THSD7A: variants seen among roughly 807,000 people sequenced by gnomAD.
THSD7A encodes the protein thrombospondin type 1 domain containing 7A.
THSD7A carries 96 observed loss-of-function variants against 231.3 expected under a neutral mutation model. The observed-to-expected ratio is 0.41, with a 90% CI of 0.35 to 0.49. THSD7A has a LOEUF of 0.49. THSD7A is among the 20% of genes least tolerant of loss of function. The probability of loss-of-function intolerance (pLI) is 0.05; values close to 1 mark genes in which losing one functional copy is unlikely to be tolerated. For synonymous variants in THSD7A, 940 were observed against 743.3 expected, an observed-to-expected ratio of 1.26 and a Z score of -4.30; for missense variants, 2,290 against 2,070.2, an observed-to-expected ratio of 1.11 and a Z score of -2.06.
chr7:11,379,617 A>G lies in THSD7A; in HGVS notation c.4590+13T>C. ...TGGAGCTGGCTTGTCTGCCCTGATG[A>G]ATTTTCACATACCTCGCTACAGTAC... is the stretch of plus-strand genomic sequence containing the variant. On this transcript the variant is annotated intron_variant, in intron 25 of 27. Transcript: ENST00000423059. The G allele has an allele frequency of 6.4e-7, 1 of 1,571,018 alleles. No homozygotes were observed. The highest frequency in any genetic ancestry group is 8.6e-7 in the Non-Finnish European group (1 of 1,157,076).
In THSD7A at chr7:11,424,844, GTTCTCAGC is replaced by G. The variant is rs544391079; in HGVS notation, c.3250-23_3250-16del. On this transcript the variant is annotated splice_polypyrimidine_tract_variant and intron_variant, in intron 15 of 27. Transcript: ENST00000423059. ...ACCTCATACACCTGAAACACACATG[GTTCTCAGC>G]AATCTCAGGGAATCTGGTAAGAGTG... 649 of 1,613,628 alleles carry G rather than the reference GTTCTCAGC, an allele frequency of 4.0e-4. 2 individuals carry two copies. In the African/African-American group the frequency reaches 7.9e-3, roughly 20 times the overall value.
chr7:11,671,854 T>C (rs1783408821), intron 1 of THSD7A, among the ~76,000 whole-genome samples: 1 of 152,138 alleles, frequency 6.6e-6, no homozygotes, highest in Admixed American at 6.5e-5. Flanking sequence ...GTTGTCTAAT[T>C]AGCAGATTTC....
At chr7:11,661,120 AC>A (rs957299794) in intron 1 of THSD7A, among the ~76,000 whole-genome samples, 6 of 151,354 alleles carry the variant, frequency 4.0e-5, no homozygotes, top group African/African-American at 1.5e-4. Context: ...ATGGTAAGTA[AC>A]CCAGGCTATC....
chr7:11,555,378 G>T (rs1423626230), intron 4 of THSD7A, among the ~76,000 whole-genome samples: 3 of 151,878 alleles, frequency 2.0e-5, no homozygotes, highest in African/African-American at 7.3e-5. Flanking sequence ...AGTGTTTGGA[G>T]ATTTTACTCC....
rs1297611628 is a variant in THSD7A at position 11,372,935 on chromosome 7, T to C, written c.*2859A>G. 3 of 152,000 alleles carry C rather than the reference T, an allele frequency of 2.0e-5. No homozygotes were observed. Among genetic ancestry groups the C allele is most frequent in the Non-Finnish European group, 4.4e-5 (3 of 67,950 alleles). The allele number at this position is 152,000 out of a possible 1,614,324, so 9.4% of individuals were successfully genotyped here. On this transcript the variant is annotated 3_prime_UTR_variant, in exon 28 of 28. Transcript: ENST00000423059. ...CCAAAATAGCCAGATTGCTACGTTCTCCTCTTTCCACCTTTCTAACGAGGT... is the reference window on the plus strand; with the variant it reads ...CCAAAATAGCCAGATTGCTACGTTCCCCTCTTTCCACCTTTCTAACGAGGT...
chr7:11,805,783 T>C (rs1161971589), intron 1 of THSD7A, among the ~76,000 whole-genome samples: 1 of 152,150 alleles, frequency 6.6e-6, no homozygotes, highest in South Asian at 2.1e-4. Context: ...GAAGTGTTTT[T>C]ATAGTTACTT....
chr7:11,463,328 G>A (rs1377600367), intron 9 of THSD7A, among the ~76,000 whole-genome samples: 1 of 152,120 alleles, frequency 6.6e-6, no homozygotes, highest in Non-Finnish European at 1.5e-5. Context: ...GTATTGGATG[G>A]GAGAATGGAT....
At chr7:11,479,039 C>A (rs1786315927) in intron 7 of THSD7A, among the ~76,000 whole-genome samples, 1 of 152,170 alleles carries the variant, frequency 6.6e-6, no homozygotes, top group Non-Finnish European at 1.5e-5. Flanking sequence ...CTTCCTCTGG[C>A]ACATGAAGAT....
At chr7:11,493,609 C>A (rs956717911) in intron 6 of THSD7A, among the ~76,000 whole-genome samples, 1 of 152,062 alleles carries the variant, frequency 6.6e-6, no homozygotes, top group Non-Finnish European at 1.5e-5. Context: ...CCAAATTCTC[C>A]TAGTCATATT....
At chr7:11,755,874 G>A (rs1180478417) in intron 1 of THSD7A, among the ~76,000 whole-genome samples, 3 of 152,050 alleles carry the variant, frequency 2.0e-5, no homozygotes, top group Non-Finnish European at 4.4e-5. Context: ...AGGAATTAAT[G>A]TGTAATTTTG....
chr7:11,657,961 G>A (rs951365947), intron 1 of THSD7A, among the ~76,000 whole-genome samples: 2 of 151,642 alleles, frequency 1.3e-5, no homozygotes, highest in Non-Finnish European at 2.9e-5. Flanking sequence ...GAGTACCTGA[G>A]CTATGGAGGT....
chr7:11,782,635 C>A (rs889111409), intron 1 of THSD7A, among the ~76,000 whole-genome samples: 2 of 152,006 alleles, frequency 1.3e-5, no homozygotes, highest in Admixed American at 1.3e-4. Flanking sequence ...TAAATTGAGG[C>A]CAGAAACTGT....
At chr7:11,605,087 C>T (rs1054908298) in intron 2 of THSD7A, among the ~76,000 whole-genome samples, 1 of 151,912 alleles carries the variant, frequency 6.6e-6, no homozygotes, top group Non-Finnish European at 1.5e-5. Context: ...AGTGGCATAA[C>T]CTGAACTGTC....
In THSD7A at chr7:11,373,949, G is replaced by T. The variant is rs1782163259; in HGVS notation, c.*1845C>A. On this transcript the variant is annotated 3_prime_UTR_variant, in exon 28 of 28. Coordinates refer to ENST00000423059, the MANE Select transcript of THSD7A (RefSeq NM_015204.3). ...CACCTTTTGAGTTTTCTTTTCATTT[G>T]CAAGAAGTCTGCTGAGTTAGTTAAA... 6.6e-6 allele frequency: 1 copy of T among 151,452 alleles called. No individual in the cohort carries two copies. Among genetic ancestry groups the T allele is most frequent in the Admixed American group, 6.6e-5 (1 of 15,048 alleles). The allele number at this position is 151,452 out of a possible 1,614,324, so 9.4% of individuals were successfully genotyped here.
chr7:11,720,238 C>G (rs1299311108), intron 1 of THSD7A, among the ~76,000 whole-genome samples: 1 of 151,804 alleles, frequency 6.6e-6, no homozygotes, highest in Admixed American at 6.6e-5. Context: ...ACAAATCATT[C>G]CACCTCCTGA....
At position 11,746,997 on chromosome 7, in the gene THSD7A, CA is replaced by C. The variant is rs555811866; in HGVS notation, c.190+84759del. On this transcript the variant is annotated intron_variant, in intron 1 of 27. Transcript: ENST00000423059. ...CTCACATGTGAGCATATCCACATTA[CA>C]AAGTAATATGGAATAAAAGTTATTT... Among the ~76,000 whole-genome samples, 29 of 151,810 alleles carry C rather than the reference CA, an allele frequency of 1.9e-4. 1 individual carries two copies. The South Asian group carries it at 6.0e-3, about 31-fold the overall frequency.
chr7:11,829,367 G>A (rs773201134), intron 1 of THSD7A, among the ~76,000 whole-genome samples: 1 of 152,018 alleles, frequency 6.6e-6, no homozygotes, highest in African/African-American at 2.4e-5. Flanking sequence ...AAGGCCCTTA[G>A]ATATCATTTT....
intron 23 of THSD7A, among the ~76,000 whole-genome samples, chr7:11,394,066 C>A (rs113609078): frequency 0.026 from 3,872 of 151,756 alleles, 157 homozygotes; most frequent in African/African-American, 0.084. Context: ...CATAATCATC[C>A]GATTCACAAA....
At chr7:11,447,669 G>A (rs981973663) in intron 11 of THSD7A, among the ~76,000 whole-genome samples, 2 of 151,970 alleles carry the variant, frequency 1.3e-5, no homozygotes, top group African/African-American at 2.4e-5. Context: ...TGCATACTTA[G>A]CATTTACCAG....
Sources: gnomAD v4.1 joint callset for allele counts (sites outside exome capture counted in the v4.1 genomes callset) on GRCh38, gnomAD v4.1.1 for gene constraint, MANE v1.5 for transcripts, NCBI Gene and HGNC (gene_info 2026-07-23, HGNC 2026-07-21) for gene names.